Variants in DOCK7 observed in about 807,000 individuals in gnomAD.
The protein encoded by DOCK7 is dedicator of cytokinesis protein 7.
Under a neutral mutation model 271.0 loss-of-function variants are expected in DOCK7, and 138 were observed. That is an observed-to-expected ratio of 0.51 (90% CI 0.44 to 0.59). The LOEUF is 0.59. Ranked by LOEUF, DOCK7 falls within the 20% of genes least tolerant of loss-of-function variation. The pLI is 0.00. For synonymous variants in DOCK7, 823 were observed against 876.1 expected (o/e 0.94, Z 1.07); for missense variants, 2,066 against 2,592.4 (o/e 0.80, Z 4.41).
At chr1:62,578,420 T>C (rs1232633180) in intron 17 of DOCK7, among the ~76,000 whole-genome samples, 1 of 152,018 alleles carries the variant, frequency 6.6e-6, no homozygotes, top group Non-Finnish European at 1.5e-5. Flanking sequence ...ACAAGAAATA[T>C]TTAAATAACA....
At chr1:62,681,034 G>A (rs953792573) in intron 1 of DOCK7, among the ~76,000 whole-genome samples, 1 of 151,994 alleles carries the variant, frequency 6.6e-6, no homozygotes. Flanking sequence ...CCCATTACTG[G>A]GTATATACCC....
At chr1:62,621,673 C>T (rs1653258176) in intron 12 of DOCK7, among the ~76,000 whole-genome samples, 1 of 152,022 alleles carries the variant, frequency 6.6e-6, no homozygotes. Context: ...ACTTAAAAAG[C>T]TTTTAGTTTT....
At chr1:62,550,487 C>T (rs1205038158) in intron 22 of DOCK7, among the ~76,000 whole-genome samples, 1 of 152,038 alleles carries the variant, frequency 6.6e-6, no homozygotes, top group Non-Finnish European at 1.5e-5. Context: ...GGAATTAAAT[C>T]ATTTCCTGGG....
At chr1:62,679,243 G>T (rs1486513365) in intron 1 of DOCK7, among the ~76,000 whole-genome samples, 2 of 151,692 alleles carry the variant, frequency 1.3e-5, no homozygotes, top group African/African-American at 4.8e-5. Flanking sequence ...TATTTCTTAC[G>T]ACCCATAAAC....
At chr1:62,643,498 T>A (rs993519026) in intron 7 of DOCK7, among the ~76,000 whole-genome samples, 1 of 152,238 alleles carries the variant, frequency 6.6e-6, no homozygotes, top group Admixed American at 6.5e-5. Context: ...TTAGGCTAAT[T>A]GTAATTTCTT....
intron 22 of DOCK7, among the ~76,000 whole-genome samples, chr1:62,552,254 A>G (rs765460698): frequency 3.9e-5 from 6 of 152,200 alleles, no homozygotes; most frequent in Non-Finnish European, 8.8e-5. Context: ...CAGCTGCCAT[A>G]GTACTCAGGT....
At chr1:62,467,480 T>G (rs944145923) in intron 48 of DOCK7, among the ~76,000 whole-genome samples, 2 of 151,718 alleles carry the variant, frequency 1.3e-5, no homozygotes, top group African/African-American at 4.8e-5. Context: ...GGCATAAGGG[T>G]TTCAATAACC....
intron 48 of DOCK7, chr1:62,459,322 A>G (rs2149224008): frequency 6.6e-6 from 1 of 151,620 alleles, no homozygotes; most frequent in East Asian, 1.9e-4. Context: ...GCTCACTCCA[A>G]CCTCCGCCTC....
intron 23 of DOCK7, among the ~76,000 whole-genome samples, chr1:62,544,362 C>G (rs1330755334): frequency 6.6e-6 from 1 of 152,098 alleles, no homozygotes; most frequent in African/African-American, 2.4e-5. Flanking sequence ...TAAGCAAAAC[C>G]TAATTCAGCT....
chr1:62,574,045 T>G (rs1646868106), intron 18 of DOCK7, among the ~76,000 whole-genome samples: 1 of 152,038 alleles, frequency 6.6e-6, no homozygotes, highest in Non-Finnish European at 1.5e-5. Context: ...TTGAAGTTAT[T>G]TTGATATTAG....
intron 14 of DOCK7, among the ~76,000 whole-genome samples, chr1:62,610,983 G>A (rs1276348865): frequency 2.0e-5 from 3 of 152,086 alleles, no homozygotes; most frequent in Admixed American, 6.5e-5. Flanking sequence ...CCCAATAATG[G>A]GATTACTGGG....
intron 1 of DOCK7, among the ~76,000 whole-genome samples, chr1:62,683,120 C>G (rs1364908945): frequency 2.0e-5 from 3 of 152,114 alleles, no homozygotes; most frequent in Non-Finnish European, 4.4e-5. Context: ...AACCTCATCT[C>G]AAATGGCAAG....
chr1:62,638,943 T>C (rs1655636498), intron 7 of DOCK7, among the ~76,000 whole-genome samples: 1 of 152,000 alleles, frequency 6.6e-6, no homozygotes, highest in Non-Finnish European at 1.5e-5. Context: ...TAATAAATGT[T>C]TAATGAAATA....
chr1:62,508,117 A>C, intron 34 of DOCK7, 59 bp from the exon 35 acceptor site: 1 of 1,438,278 alleles, frequency 7.0e-7, no homozygotes, highest in Non-Finnish European at 9.3e-7. Flanking sequence ...AATTCTGAAA[A>C]GACTTAAGGA....
intron 37 of DOCK7, among the ~76,000 whole-genome samples, chr1:62,497,383 T>C (rs973597951): frequency 2.6e-5 from 4 of 152,186 alleles, no homozygotes; most frequent in African/African-American, 9.7e-5. Flanking sequence ...TCCAGGCTAC[T>C]ATATTTTACT....
In DOCK7 at chr1:62,529,261, T is replaced by C; in HGVS notation, c.3781+16A>G. 6.4e-7 allele frequency: 1 copy of C among 1,564,202 alleles called. No individual in the cohort carries two copies. ...TGAGCTTTGCCTTTAATATTTGCCT[T>C]AATTATACTAGGTACCTGTAAAATC... On this transcript the variant is annotated intron_variant, in intron 30 of 49. Transcript: ENST00000635253.
At chr1:62,546,203 G>A (rs745773283) in intron 22 of DOCK7, among the ~76,000 whole-genome samples, 9 of 152,188 alleles carry the variant, frequency 5.9e-5, no homozygotes, top group East Asian at 1.9e-4. Flanking sequence ...AATGTGCAGC[G>A]CCCTACCTTA....
At position 62,475,432 on chromosome 1, in the gene DOCK7, GA is replaced by G. The variant is rs965573242; in HGVS notation, c.5962-82del. 1,434 of 1,236,746 alleles carry G rather than the reference GA, an allele frequency of 1.2e-3. 1 individual carries two copies. Among genetic ancestry groups the G allele is most frequent in the African/African-American group, 2.7e-3 (154 of 56,218 alleles). The allele number at this position is 1,236,746 out of a possible 1,614,324, so 76.6% of individuals were successfully genotyped here. ...CTTTATGTATAATCAACTGAAATTA[GA>G]AAAAAAAAAGATCAATTGTAAACTT... On this transcript the variant is annotated intron_variant, in intron 46 of 49. Coordinates refer to ENST00000635253, the MANE Select transcript of DOCK7 (RefSeq NM_001367561.1).
rs150980915 is a variant in DOCK7, at chr1:62,672,285, C to A, written c.39-9155G>T. Among the ~76,000 whole-genome samples, 677 of 152,192 alleles carry A rather than the reference C, an allele frequency of 4.4e-3. 2 individuals are homozygous for A. Among genetic ancestry groups the A allele is most frequent in the Non-Finnish European group, 7.2e-3 (490 of 67,958 alleles). ...ACATTATACAATATATATTAGAAAT[C>A]TTTCCATATTGGCACATAAAACTAA... On this transcript the variant is annotated intron_variant, in intron 1 of 49. Transcript: ENST00000635253.
Sources: gnomAD v4.1 joint callset for allele counts (sites outside exome capture counted in the v4.1 genomes callset) on GRCh38, gnomAD v4.1.1 for gene constraint, MANE v1.5 for transcripts, NCBI Gene and HGNC (gene_info 2026-07-23, HGNC 2026-07-21) for gene names.